MAGI3: variants seen among roughly 807,000 people sequenced by gnomAD.
The protein encoded by MAGI3 is membrane associated guanylate kinase, WW and PDZ domain containing 3.
A neutral mutation model predicts 121.8 loss-of-function variants in MAGI3; 43 were observed. The observed-to-expected ratio is 0.35, with a 90% CI of 0.28 to 0.46. The LOEUF (loss-of-function observed/expected upper bound fraction) is 0.46. MAGI3 is among the 20% of genes least tolerant of loss of function. The pLI, the probability that MAGI3 is intolerant of heterozygous loss-of-function variation, is 1.00. For synonymous variants in MAGI3, 553 were observed against 639.3 expected (o/e 0.86, Z 2.04); for missense variants, 1,547 against 1,797.3 (o/e 0.86, Z 2.52).
At chr1:113,575,288 C>T (rs181719217) in intron 2 of MAGI3, among the ~76,000 whole-genome samples, 225 of 152,256 alleles carry the variant, frequency 1.5e-3, no homozygotes, top group African/African-American at 5.3e-3. Context: ...TTGGAATTTT[C>T]AGCATTTTTG....
chr1:113,651,198 T>C lies in MAGI3; in HGVS notation c.2432T>C (p.Phe811Ser). 2 of 1,608,230 alleles carry C rather than the reference T, an allele frequency of 1.2e-6. No individual in the cohort carries two copies. Among genetic ancestry groups the C allele is most frequent in the South Asian group, 1.1e-5 (1 of 89,752 alleles). Reference protein sequence around the residue: ...HVLLTVRRKIFYGEKQPEDDS... With the variant: ...HVLLTVRRKISYGEKQPEDDS... ...TTACTAACTGTCAGACGGAAGATCT[T>C]CTATGGAGGTGTGTGAACTTGTTCC... Residue 811 changes from phenylalanine to serine, a missense_variant, in exon 14 of 21, where the codon TTC (phenylalanine) becomes TCC (serine). Phe to Ser is a radical substitution (Grantham distance 155, BLOSUM62 -2). Coordinates refer to ENST00000307546, the MANE Select transcript of MAGI3 (RefSeq NM_001142782.2).
intron 19 of MAGI3, among the ~76,000 whole-genome samples, chr1:113,677,463 G>A (rs1247996916): frequency 6.6e-6 from 1 of 152,170 alleles, no homozygotes; most frequent in Non-Finnish European, 1.5e-5. Flanking sequence ...CTAGTCCGTC[G>A]TCCTCGAAGA....
intron 2 of MAGI3, among the ~76,000 whole-genome samples, chr1:113,555,766 A>G (rs370256514): frequency 1.1e-3 from 173 of 152,198 alleles, no homozygotes; most frequent in African/African-American, 2.6e-3. Flanking sequence ...AGGCAGGCAA[A>G]GTGGCACATA....
At chr1:113,627,321 A>AG (rs1651305511) in intron 9 of MAGI3, among the ~76,000 whole-genome samples, 1 of 151,832 alleles carries the variant, frequency 6.6e-6, no homozygotes, top group Non-Finnish European at 1.5e-5. Context: ...ATTTTTTGGA[A>AG]TGTTTTAAGA....
chr1:113,448,858 G>T (rs1460294066), intron 1 of MAGI3, among the ~76,000 whole-genome samples: 2 of 152,096 alleles, frequency 1.3e-5, no homozygotes, highest in African/African-American at 4.8e-5. Context: ...AGTGGATCAC[G>T]CCTGTAATTC....
At chr1:113,405,092 G>A (rs978274610) in intron 1 of MAGI3, among the ~76,000 whole-genome samples, 4 of 152,138 alleles carry the variant, frequency 2.6e-5, no homozygotes, top group African/African-American at 9.7e-5. Flanking sequence ...AGAAGGCAGG[G>A]TGAAGTGTGA....
chr1:113,513,740 C>A (rs1373296104), intron 1 of MAGI3, among the ~76,000 whole-genome samples: 1 of 152,128 alleles, frequency 6.6e-6, no homozygotes, highest in Non-Finnish European at 1.5e-5. Flanking sequence ...GTCTAAAACA[C>A]CAAAAGCAAT....
intron 2 of MAGI3, among the ~76,000 whole-genome samples, chr1:113,564,983 G>A (rs1660384611): frequency 6.6e-6 from 1 of 151,938 alleles, no homozygotes; most frequent in African/African-American, 2.4e-5. Context: ...CTGAGTAGCT[G>A]GGATTACAGG....
intron 1 of MAGI3, among the ~76,000 whole-genome samples, chr1:113,466,908 C>A (rs1346958441): frequency 6.6e-6 from 1 of 151,520 alleles, no homozygotes; most frequent in Non-Finnish European, 1.5e-5. Flanking sequence ...TTTCATTGAT[C>A]TTCTGTATTG....
intron 16 of MAGI3, among the ~76,000 whole-genome samples, chr1:113,661,779 A>G (rs1055679670): frequency 6.6e-6 from 1 of 152,334 alleles, no homozygotes; most frequent in East Asian, 1.9e-4. Flanking sequence ...CTTAAAGTAT[A>G]TTTCATATGC....
intron 1 of MAGI3, among the ~76,000 whole-genome samples, chr1:113,404,661 G>A (rs111968141): frequency 2.0e-5 from 3 of 152,094 alleles, no homozygotes; most frequent in Non-Finnish European, 2.9e-5. Context: ...TTGTGGGGGC[G>A]GGGAGGGAGA....
intron 1 of MAGI3, among the ~76,000 whole-genome samples, chr1:113,482,188 A>G (rs149580543): frequency 2.1e-3 from 327 of 152,236 alleles, no homozygotes; most frequent in Non-Finnish European, 3.7e-3. Context: ...TACTCAGAAG[A>G]CAGGAGAGAG....
At chr1:113,600,878 A>G (rs866993633) in intron 6 of MAGI3, among the ~76,000 whole-genome samples, 1 of 152,316 alleles carries the variant, frequency 6.6e-6, no homozygotes, top group African/African-American at 2.4e-5. Flanking sequence ...AGAGATATAG[A>G]TCAATGGGAC....
At chr1:113,603,729 C>T (rs1373543300) in intron 6 of MAGI3, among the ~76,000 whole-genome samples, 1 of 152,080 alleles carries the variant, frequency 6.6e-6, no homozygotes, top group African/African-American at 2.4e-5. Flanking sequence ...GCAAATTATG[C>T]ATCCGACAAA....
chr1:113,661,638 C>A (rs1171466907), intron 16 of MAGI3, among the ~76,000 whole-genome samples: 3 of 152,156 alleles, frequency 2.0e-5, no homozygotes, highest in Non-Finnish European at 4.4e-5. Flanking sequence ...CATAATTTTT[C>A]TTAGAATAAA....
At chr1:113,518,905 G>GA (rs1194405221) in intron 1 of MAGI3, among the ~76,000 whole-genome samples, 1 of 152,108 alleles carries the variant, frequency 6.6e-6, no homozygotes, top group Admixed American at 6.5e-5. Flanking sequence ...ATGAAAACAG[G>GA]TAATGCAAGA....
At chr1:113,639,219 G>T (rs796257517) in intron 9 of MAGI3, among the ~76,000 whole-genome samples, 29 of 152,198 alleles carry the variant, frequency 1.9e-4, no homozygotes, top group African/African-American at 1.4e-4. Context: ...GCTTCAGCTC[G>T]CACACGGTGC....
chr1:113,468,987 C>G (rs1301351990), intron 1 of MAGI3, among the ~76,000 whole-genome samples: 6 of 151,990 alleles, frequency 3.9e-5, no homozygotes, highest in Non-Finnish European at 8.8e-5. Context: ...AAATTGTGAC[C>G]ATAAGCCTTT....
Position 113,682,934 on chromosome 1 carries a change from G to C in MAGI3, c.3366G>C (p.Val1122=). The part of the protein sequence containing the change: ...WDINNPSSSN[V]IYDEQSPLPP... ...TTAATAATCCTTCGTCTTCAAATGT[G>C]ATTTATGATGAACAGTCACCATTAC... The change falls in exon 21 of 21, where the codon GTG becomes GTC. Residue 1122 remains valine, a synonymous_variant. Transcript: ENST00000307546. The C allele has an allele frequency of 6.3e-7, 1 of 1,599,396 alleles. No homozygotes were observed. Among genetic ancestry groups the C allele is most frequent in the Non-Finnish European group, 8.5e-7 (1 of 1,175,744 alleles).
Sources: allele counts gnomAD v4.1 joint callset (sites outside exome capture counted in the v4.1 genomes callset), GRCh38; gene constraint gnomAD v4.1.1; transcripts MANE v1.5; gene names NCBI Gene and HGNC (gene_info 2026-07-23, HGNC 2026-07-21).